The following HDAC4 variants were observed in gnomAD, a reference collection of about 807,000 sequenced individuals.
HDAC4 encodes histone deacetylase A.
A neutral mutation model predicts 135.1 loss-of-function variants in HDAC4; 16 were observed. The observed-to-expected ratio is 0.12, with a 90% CI of 0.08 to 0.18. The LOEUF (loss-of-function observed/expected upper bound fraction) is 0.18. Among genes scored for constraint, HDAC4 ranks in the 10% least tolerant of loss-of-function variants. HDAC4 has a pLI of 1.00. For missense variants in HDAC4, 1,143 were observed against 1,511.8 expected, an observed-to-expected ratio of 0.76 and a Z score of 4.05; for synonymous variants, 685 against 653.4, an observed-to-expected ratio of 1.05 and a Z score of -0.74.
chr2:239,171,157 A>C (rs1553641173), intron 5 of HDAC4, among the ~76,000 whole-genome samples: 1 of 140,342 alleles, frequency 7.1e-6, no homozygotes, highest in Non-Finnish European at 1.5e-5. Flanking sequence ...ATAGAAATAA[A>C]CACAATCTGA....
intron 18 of HDAC4, 62 bp downstream of exon 18, chr2:239,089,947 C>A (rs773219093): frequency 1.4e-5 from 18 of 1,269,504 alleles, no homozygotes; most frequent in Non-Finnish European, 2.0e-5. Flanking sequence ...GCGGCCCCTC[C>A]CCACACTGGG....
intron 2 of HDAC4, among the ~76,000 whole-genome samples, chr2:239,320,891 T>C (rs1190113027): frequency 2.0e-5 from 3 of 152,240 alleles, no homozygotes; most frequent in African/African-American, 4.8e-5. Context: ...TTGGGTATTT[T>C]AAAATCAATT....
intron 2 of HDAC4, among the ~76,000 whole-genome samples, chr2:239,341,883 C>G (rs961056560): frequency 2.0e-5 from 3 of 152,290 alleles, no homozygotes; most frequent in Admixed American, 2.0e-4. Flanking sequence ...GAAGTGGGGC[C>G]TCTGGAGAGT....
chr2:239,059,916 C>G (rs1160265420), intron 24 of HDAC4, among the ~76,000 whole-genome samples: 1 of 152,216 alleles, frequency 6.6e-6, no homozygotes, highest in African/African-American at 2.4e-5. Context: ...GACCCACCCA[C>G]CAGCCTGCAG....
intron 1 of HDAC4, among the ~76,000 whole-genome samples, chr2:239,386,421 A>C (rs1314628139): frequency 6.6e-6 from 1 of 152,194 alleles, no homozygotes; most frequent in Non-Finnish European, 1.5e-5. Context: ...CACATGACAG[A>C]GGTTCAAAAC....
At chr2:239,204,223 C>A (rs1575400586) in intron 3 of HDAC4, among the ~76,000 whole-genome samples, 1 of 152,344 alleles carries the variant, frequency 6.6e-6, no homozygotes, top group Admixed American at 6.5e-5. Context: ...GTCCCGGCGT[C>A]CCCATGCTGT....
At chr2:239,069,926 G>A (rs1021457951) in intron 22 of HDAC4, among the ~76,000 whole-genome samples, 27 of 152,342 alleles carry the variant, frequency 1.8e-4, no homozygotes, top group African/African-American at 6.0e-4. Flanking sequence ...TTAACCTGGG[G>A]GAGTGAAGCC....
intron 3 of HDAC4, among the ~76,000 whole-genome samples, chr2:239,200,080 T>G (rs1319483669): frequency 1.3e-5 from 2 of 152,208 alleles, no homozygotes; most frequent in Admixed American, 6.5e-5. Flanking sequence ...GTCCCTTTCT[T>G]GGGAAATAGT....
chr2:239,147,395 T>G (rs933697804), intron 7 of HDAC4, among the ~76,000 whole-genome samples: 1 of 152,246 alleles, frequency 6.6e-6, no homozygotes. Flanking sequence ...CAAATGCATG[T>G]GTCTTAAAGC....
chr2:239,323,803 T>C (rs917984856), intron 2 of HDAC4, among the ~76,000 whole-genome samples: 4 of 152,072 alleles, frequency 2.6e-5, no homozygotes, highest in Admixed American at 2.6e-4. Flanking sequence ...CCTGGGGGCC[T>C]GCACAGGGAA....
intron 3 of HDAC4, among the ~76,000 whole-genome samples, chr2:239,192,064 G>A (rs1050545488): frequency 3.9e-5 from 6 of 152,210 alleles, no homozygotes; most frequent in Admixed American, 6.5e-5. Flanking sequence ...ATTGGGTGTC[G>A]ACTTTGACAC....
chr2:239,392,559 A>T (rs1333709839), intron 1 of HDAC4, among the ~76,000 whole-genome samples: 2 of 152,228 alleles, frequency 1.3e-5, no homozygotes, highest in Non-Finnish European at 2.9e-5. Context: ...CACAGTTGGC[A>T]TCACTAATTA....
chr2:239,356,379 C>T (rs1378312971), intron 1 of HDAC4, among the ~76,000 whole-genome samples: 1 of 152,052 alleles, frequency 6.6e-6, no homozygotes, highest in African/African-American at 2.4e-5. Flanking sequence ...GATAAAAAAG[C>T]GAGACCCTAC....
intron 12 of HDAC4, among the ~76,000 whole-genome samples, chr2:239,125,717 C>T (rs146491306): frequency 3.3e-5 from 5 of 152,360 alleles, no homozygotes; most frequent in East Asian, 1.9e-4. Context: ...TTGATCAACA[C>T]GTAATCAGCA....
At chr2:239,132,326 C>T (rs1035727369) in intron 11 of HDAC4, among the ~76,000 whole-genome samples, 1 of 152,210 alleles carries the variant, frequency 6.6e-6, no homozygotes, top group Non-Finnish European at 1.5e-5. Context: ...TGTGTGGCTG[C>T]ACTACGCTGC....
chr2:239,275,010 A>C (rs1473263267), intron 2 of HDAC4, among the ~76,000 whole-genome samples: 1 of 152,266 alleles, frequency 6.6e-6, no homozygotes, highest in Non-Finnish European at 1.5e-5. Context: ...AGATCAGCGG[A>C]GGGGCTTCCA....
chr2:239,356,679 G>T (rs1038511832), intron 1 of HDAC4, among the ~76,000 whole-genome samples: 8 of 152,070 alleles, frequency 5.3e-5, no homozygotes, highest in African/African-American at 1.9e-4. Context: ...ACTTCATAAT[G>T]ATAAAGGGGT....
At chr2:239,335,407 G>A (rs1381813260) in intron 2 of HDAC4, among the ~76,000 whole-genome samples, 5 of 143,482 alleles carry the variant, frequency 3.5e-5, no homozygotes, top group Non-Finnish European at 7.5e-5. Flanking sequence ...CTAAATGAGT[G>A]ATAGAACAAT....
intron 2 of HDAC4, among the ~76,000 whole-genome samples, chr2:239,256,505 C>G (rs1482457772): frequency 2.6e-5 from 4 of 152,240 alleles, no homozygotes; most frequent in Non-Finnish European, 5.9e-5. Flanking sequence ...TCCCAGAAGG[C>G]CAGGACTTCA....
Sources: gnomAD v4.1 joint callset for allele counts (sites outside exome capture counted in the v4.1 genomes callset) on GRCh38, gnomAD v4.1.1 for gene constraint, MANE v1.5 for transcripts, NCBI Gene and HGNC (gene_info 2026-07-23, HGNC 2026-07-21) for gene names.